Variants in PLPP3 observed in about 807,000 individuals in gnomAD.
PLPP3 encodes phospholipid phosphatase 3.
PLPP3 carries 6 observed loss-of-function variants against 29.6 expected under a neutral mutation model. That is an observed-to-expected ratio of 0.20 (90% CI 0.11 to 0.40). The LOEUF (loss-of-function observed/expected upper bound fraction) is 0.40. PLPP3 is among the 10% of genes least tolerant of loss of function. PLPP3 has a pLI of 1.00. For synonymous variants in PLPP3, 152 were observed against 159.7 expected (o/e 0.95, Z 0.36); for missense variants, 308 against 407.7 (o/e 0.76, Z 2.11).
chr1:56,511,888 C>T, intron 5 of PLPP3, 88 bp downstream of exon 5: 1 of 1,522,534 alleles, frequency 6.6e-7, no homozygotes, highest in South Asian at 1.1e-5. Context: ...GGAACGAGGG[C>T]TCTCTAGCTT....
At chr1:56,546,194 G>C (rs1646005218) in intron 1 of PLPP3, among the ~76,000 whole-genome samples, 1 of 152,222 alleles carries the variant, frequency 6.6e-6, no homozygotes, top group Non-Finnish European at 1.5e-5. Flanking sequence ...TTCCCGCAGG[G>C]AGCATATACA....
In PLPP3 at chr1:56,579,465, G is replaced by A; in HGVS notation, c.-449C>T. The A allele has an allele frequency of 5.6e-6, 1 of 177,932 alleles. No homozygotes were observed. The highest frequency in any genetic ancestry group is 1.1e-4 in the South Asian group (1 of 8,972). The allele number at this position is 177,932 out of a possible 1,614,324, so 11.0% of individuals were successfully genotyped here. A position where few individuals can be genotyped will look rare whatever the true frequency, so the allele number is the denominator to read the frequency against. On this transcript the variant is annotated 5_prime_UTR_variant, in exon 1 of 6. Coordinates refer to ENST00000371250, the MANE Select transcript of PLPP3 (RefSeq NM_003713.5). ...GAGCGCCAGCCCCAACTCTAACTTT[G>A]CCTCCTCCTCCTCCTCCTCCTCCGG...
chr1:56,517,938 A>C lies in PLPP3; in HGVS notation c.634-5786T>G, dbSNP rs535694765. Among the ~76,000 whole-genome samples the C allele has an allele frequency of 1.3e-5, 2 of 152,280 alleles. 1 individual carries two copies. The highest frequency in any genetic ancestry group is 3.9e-4 in the East Asian group (2 of 5,176). ...GGGAGCCTAAGAGCTGACTCATTAT[A>C]CCTCATAGCAGAGGTGAGGGCCACT... On this transcript the variant is annotated intron_variant, in intron 4 of 5. Coordinates refer to ENST00000371250, the MANE Select transcript of PLPP3 (RefSeq NM_003713.5).
At chr1:56,557,869 G>A (rs537586847) in intron 1 of PLPP3, among the ~76,000 whole-genome samples, 1 of 152,258 alleles carries the variant, frequency 6.6e-6, no homozygotes, top group African/African-American at 2.4e-5. Flanking sequence ...TCCCCGGGGC[G>A]CTTTTCCAAC....
In PLPP3 at chr1:56,579,109, C is replaced by T; in HGVS notation, c.-93G>A. The stretch of plus-strand genomic sequence containing the variant: ...CGCCCGGGTCGCCTCCTGGCCGAGG[C>T]TGCTGCGGATAGTGGCGGGTCGGCC... On this transcript the variant is annotated 5_prime_UTR_variant, in exon 1 of 6. Transcript: ENST00000371250. The T allele has an allele frequency of 2.6e-6, 4 of 1,527,420 alleles. No homozygotes were observed. Among genetic ancestry groups the T allele is most frequent in the African/African-American group, 1.4e-5 (1 of 69,052 alleles). The allele number at this position is 1,527,420 out of a possible 1,614,324, so 94.6% of individuals were successfully genotyped here. A position where few individuals can be genotyped will look rare whatever the true frequency, so the allele number is the denominator to read the frequency against.
At chr1:56,543,606 G>A (rs1645984043) in intron 1 of PLPP3, among the ~76,000 whole-genome samples, 1 of 152,192 alleles carries the variant, frequency 6.6e-6, no homozygotes, top group Admixed American at 6.5e-5. Flanking sequence ...ACTGGTCTTA[G>A]AAGTGTGCAA....
intron 1 of PLPP3, among the ~76,000 whole-genome samples, chr1:56,558,410 C>A (rs1162164029): frequency 6.6e-6 from 1 of 152,212 alleles, no homozygotes; most frequent in Non-Finnish European, 1.5e-5. Context: ...CCATATGATT[C>A]TCTGGCAGGA....
chr1:56,549,282 C>T (rs1181888244), intron 1 of PLPP3, among the ~76,000 whole-genome samples: 2 of 152,132 alleles, frequency 1.3e-5, no homozygotes, highest in African/African-American at 4.8e-5. Flanking sequence ...GGTGGATCAG[C>T]TCTGTCAATA....
At position 56,572,139 on chromosome 1, in the gene PLPP3, A is replaced by C. The variant is rs1295896906; in HGVS notation, c.139+6739T>G. 1.3e-4 allele frequency among the ~76,000 whole-genome samples: 17 copies of C among 133,254 alleles called. No individual in the cohort carries two copies. In the East Asian group the frequency reaches 2.8e-3, roughly 22 times the overall value. The allele number at this position is 133,254 out of a possible 152,430, so 87.4% of individuals were successfully genotyped here. ...ATCTTGGCTCACTGCAGCCTCTGCC[A>C]ACTGGGTTCCAGCAATTCTCCTGCC... On this transcript the variant is annotated intron_variant, in intron 1 of 5. Coordinates refer to ENST00000371250, the MANE Select transcript of PLPP3 (RefSeq NM_003713.5).
intron 1 of PLPP3, among the ~76,000 whole-genome samples, chr1:56,576,861 T>C (rs1341775828): frequency 1.3e-5 from 2 of 152,032 alleles, no homozygotes; most frequent in African/African-American, 4.8e-5. Context: ...TACAACAGAG[T>C]AGCTTGGGTT....
intron 4 of PLPP3, among the ~76,000 whole-genome samples, chr1:56,518,407 G>A (rs1343502701): frequency 6.6e-6 from 1 of 151,748 alleles, no homozygotes; most frequent in Non-Finnish European, 1.5e-5. Flanking sequence ...CAGTTCTCCT[G>A]GGACAGCACA....
chr1:56,513,122 G>A (rs1181792801), intron 4 of PLPP3: 3 of 152,298 alleles, frequency 2.0e-5, no homozygotes, highest in Non-Finnish European at 4.4e-5. Context: ...ACAATGCCAG[G>A]GAATTTTCAA....
At chr1:56,576,168 C>T (rs1233835775) in intron 1 of PLPP3, among the ~76,000 whole-genome samples, 2 of 152,108 alleles carry the variant, frequency 1.3e-5, no homozygotes, top group Non-Finnish European at 2.9e-5. Flanking sequence ...TTTCCACTTA[C>T]ATAACACTGA....
intron 1 of PLPP3, among the ~76,000 whole-genome samples, chr1:56,544,474 T>C (rs1161535174): frequency 6.6e-6 from 1 of 152,196 alleles, no homozygotes; most frequent in African/African-American, 2.4e-5. Context: ...GAATCCTCTT[T>C]AAATAAGGGA....
intron 1 of PLPP3, among the ~76,000 whole-genome samples, chr1:56,554,286 G>T (rs1569589875): frequency 6.6e-6 from 1 of 152,198 alleles, no homozygotes; most frequent in South Asian, 2.1e-4. Flanking sequence ...GAAATACAGT[G>T]CCATGGCCGG....
chr1:56,568,794 T>A (rs1320514059), intron 1 of PLPP3, among the ~76,000 whole-genome samples: 2 of 152,084 alleles, frequency 1.3e-5, no homozygotes, highest in African/African-American at 4.8e-5. Flanking sequence ...CTGGCTAATT[T>A]TTTTGTATTT....
In PLPP3 at chr1:56,556,948, CAGAG is replaced by C. The variant is rs1329913549; in HGVS notation, c.140-19840_140-19837del. On this transcript the variant is annotated intron_variant, in intron 1 of 5. Coordinates refer to ENST00000371250, the MANE Select transcript of PLPP3 (RefSeq NM_003713.5). ...AGAAAGAGAGAGAGAGAGAGAGAGA[CAGAG>C]AGAAAGAAAGAAAGAAAGAAAGAAA... Among the ~76,000 whole-genome samples the C allele has an allele frequency of 1.1e-3, 59 of 55,684 alleles. 1 individual carries two copies. The highest frequency in any genetic ancestry group is 4.9e-3 in the East Asian group (11 of 2,228). 36.5% of individuals were successfully genotyped at this position (55,684 alleles called of 152,430 possible).
At position 56,544,462 on chromosome 1, in the gene PLPP3, T is replaced by C. The variant is rs543784566; in HGVS notation, c.140-7350A>G. On this transcript the variant is annotated intron_variant, in intron 1 of 5. Transcript: ENST00000371250. ...GTCACTTCCCAAGACCTCCTTCCTT[T>C]TGAATCCTCTTTAAATAAGGGAGAG... Among the ~76,000 whole-genome samples, 45 of 152,350 alleles carry C rather than the reference T, an allele frequency of 3.0e-4. No homozygotes were observed. In the East Asian group the frequency reaches 6.0e-3, roughly 20 times the overall value.
At chr1:56,551,749 T>C (rs1181746445) in intron 1 of PLPP3, among the ~76,000 whole-genome samples, 1 of 152,220 alleles carries the variant, frequency 6.6e-6, no homozygotes, top group African/African-American at 2.4e-5. Flanking sequence ...TCCAAAGAAA[T>C]GGTTTGATGC....
Sources: gnomAD v4.1 joint callset for allele counts (sites outside exome capture counted in the v4.1 genomes callset) on GRCh38, gnomAD v4.1.1 for gene constraint, MANE v1.5 for transcripts, NCBI Gene and HGNC (gene_info 2026-07-23, HGNC 2026-07-21) for gene names.